GYG1: variants seen among roughly 807,000 people sequenced by gnomAD.
GYG1 encodes glycogenin-1.
GYG1 carries 44 observed loss-of-function variants against 41.9 expected under a neutral mutation model. The ratio of observed to expected loss-of-function variants is 1.05; its 90% CI spans 0.83 to 1.35. The LOEUF is 1.35. GYG1 is among the 40% of genes most tolerant of loss of function. GYG1 has a pLI of 0.00. For missense variants in GYG1, 429 were observed against 418.9 expected (o/e 1.02, Z -0.21); for synonymous variants, 141 against 158.1 (o/e 0.89, Z 0.81).
rs767365794 is a variant in GYG1 at position 149,016,356 on chromosome 3, C to CT, written c.608+6956dup. ...AAGGCAAAGTGTATGGGCACAGATG[C>CT]TTGTAGGCAGGTGTTATGTTTTGGC... On this transcript the variant is annotated intron_variant, in intron 5 of 7. Transcript: ENST00000345003. 3.3e-5 allele frequency among the ~76,000 whole-genome samples: 5 copies of CT among 150,724 alleles called. No individual in the cohort carries two copies. In the East Asian group the frequency reaches 5.8e-4, roughly 18 times the overall value.
At chr3:148,999,004 A>G (rs1712955361) in intron 4 of GYG1, among the ~76,000 whole-genome samples, 1 of 152,232 alleles carries the variant, frequency 6.6e-6, no homozygotes, top group Admixed American at 6.5e-5. Flanking sequence ...GATTTTAATC[A>G]TGTAAAGAGA....
At chr3:149,015,902 G>A (rs528576010) in intron 5 of GYG1, among the ~76,000 whole-genome samples, 5 of 152,244 alleles carry the variant, frequency 3.3e-5, no homozygotes, top group South Asian at 4.1e-4. Flanking sequence ...AGATGCTGGA[G>A]TGATGTCCTT....
chr3:149,024,129 A>G lies in GYG1; in HGVS notation c.685A>G (p.Lys229Glu), dbSNP rs749552019. 6.2e-7 allele frequency: 1 copy of G among 1,613,962 alleles called. No homozygotes were observed. The highest frequency in any genetic ancestry group is 8.5e-7 in the Non-Finnish European group (1 of 1,179,820). The change falls in exon 6 of 8, where the codon AAA becomes GAA. Residue 229 changes from lysine (K) to glutamate (E), a missense_variant. Coordinates refer to ENST00000345003, the MANE Select transcript of GYG1 (RefSeq NM_004130.4). Reference protein sequence around the residue: ...PWNYTYDPKTKSVKSEAHDPN... With the variant: ...PWNYTYDPKTESVKSEAHDPN... ...GAATTATACTTATGATCCCAAAACA[A>G]AAAGTGTCAAAAGTGAGGCCCATGA...
chr3:149,020,604 A>C (rs1305307395), intron 5 of GYG1, among the ~76,000 whole-genome samples: 1 of 152,262 alleles, frequency 6.6e-6, no homozygotes. Context: ...TTATATTCTT[A>C]TTATGAGCTC....
At chr3:149,015,523 A>G (rs1713972185) in intron 5 of GYG1, among the ~76,000 whole-genome samples, 1 of 152,204 alleles carries the variant, frequency 6.6e-6, no homozygotes, top group Non-Finnish European at 1.5e-5. Context: ...AAAATGTTTC[A>G]AGGAGGAAGG....
At chr3:148,992,821 T>C (rs1184243196) in intron 1 of GYG1, 1 of 152,292 alleles carries the variant, frequency 6.6e-6, no homozygotes, top group Non-Finnish European at 1.5e-5. Flanking sequence ...GAACTGGTCT[T>C]CCTACAACTT....
In GYG1 at chr3:149,003,184, C is replaced by T. The variant is rs183998976; in HGVS notation, c.482-6092C>T. ...AGGCTGGAGTGCAATGGTGCAATCTCGGCTCACTGCAACCTCTGCCTCCTG... is the reference window on the plus strand; with the variant it reads ...AGGCTGGAGTGCAATGGTGCAATCTTGGCTCACTGCAACCTCTGCCTCCTG... On this transcript the variant is annotated intron_variant, in intron 4 of 7. Coordinates refer to ENST00000345003, the MANE Select transcript of GYG1 (RefSeq NM_004130.4). Among the ~76,000 whole-genome samples, 1,111 of 149,366 alleles carry T rather than the reference C, an allele frequency of 7.4e-3. 3 individuals are homozygous for T. Among genetic ancestry groups the T allele is most frequent in the Middle Eastern group, 0.017 (5 of 292 alleles).
At position 148,996,489 on chromosome 3, in the gene GYG1, T is replaced by G. The variant is rs766749719; in HGVS notation, c.318+13T>G. ...TGCAGATACTCTGGTGAGTGTGGCT[T>G]TGAGGGTAGAAAAGAAAGACATATA... On this transcript the variant is annotated intron_variant, in intron 3 of 7. Coordinates refer to ENST00000345003, the MANE Select transcript of GYG1 (RefSeq NM_004130.4). The G allele has an allele frequency of 3.7e-6, 6 of 1,608,512 alleles. No homozygotes were observed. The highest frequency in any genetic ancestry group is 5.1e-6 in the Non-Finnish European group (6 of 1,175,574).
chr3:149,002,118 AC>A (rs1271177653), intron 4 of GYG1, among the ~76,000 whole-genome samples: 1 of 152,162 alleles, frequency 6.6e-6, no homozygotes, highest in African/African-American at 2.4e-5. Flanking sequence ...GGTTCCTCTC[AC>A]CTATATTTCT....
Position 148,991,791 on chromosome 3 carries a change from CGT to C in GYG1, c.7+147_7+148del, listed in dbSNP as rs1305065251. ...AAGTTGCTGGCTGGCCGCAGCCGGG[CGT>C]GTTTCTGCCTGCGTCAGCTGCCGCC... On this transcript the variant is annotated intron_variant, in intron 1 of 7. Coordinates refer to ENST00000345003, the MANE Select transcript of GYG1 (RefSeq NM_004130.4). 4 of 695,658 alleles carry C rather than the reference CGT, an allele frequency of 5.7e-6. No individual in the cohort carries two copies. The East Asian group carries it at 9.3e-5, about 16-fold the overall frequency. The allele number at this position is 695,658 out of a possible 1,614,324, so 43.1% of individuals were successfully genotyped here. A position where few individuals can be genotyped will look rare whatever the true frequency, so the allele number is the denominator to read the frequency against.
rs148619511 is a variant in GYG1, at chr3:148,996,317, A to G, written c.159A>G (p.Thr53=). 0.012 allele frequency: 18,852 copies of G among 1,610,978 alleles called. 158 individuals are homozygous for G. Among genetic ancestry groups the G allele is most frequent in the Non-Finnish European group, 0.015 (17,296 of 1,178,782 alleles). The change falls in exon 3 of 8, where the codon ACA becomes ACG. Residue 53 remains threonine (T), a synonymous_variant. Transcript: ENST00000345003. The part of the protein sequence containing the change: ...VSDSMRKVLE[T]VFDEVIMVDV... ...ATTTTGACAGAAAAGTTTTAGAGAC[A>G]GTCTTTGATGAAGTCATCATGGTAG... is the stretch of plus-strand genomic sequence containing the variant.
intron 4 of GYG1, among the ~76,000 whole-genome samples, chr3:148,998,364 G>T (rs778589631): frequency 1.3e-5 from 2 of 152,168 alleles, no homozygotes; most frequent in South Asian, 2.1e-4. Context: ...GACATTTTTG[G>T]TTGTTACAAC....
At chr3:149,009,942 T>G (rs2107903677) in intron 5 of GYG1, among the ~76,000 whole-genome samples, 1 of 152,346 alleles carries the variant, frequency 6.6e-6, no homozygotes, top group Non-Finnish European at 1.5e-5. Context: ...CTTACTGAAC[T>G]TCTTTCTGCC....
rs139872292 is a variant in GYG1, at chr3:149,026,279, A to G, written c.829-173A>G. 4.3e-4 allele frequency among the ~76,000 whole-genome samples: 66 copies of G among 152,334 alleles called. No individual in the cohort carries two copies. In the East Asian group the frequency reaches 8.1e-3, roughly 19 times the overall value. ...GTTTAACTTTCCTTCTTATAATGTG[A>G]TAACTGAGTATGTGTTGCGGCTCTC... On this transcript the variant is annotated intron_variant, in intron 6 of 7. Transcript: ENST00000345003.
chr3:149,023,714 A>G (rs1442409205), intron 5 of GYG1, among the ~76,000 whole-genome samples: 4 of 152,180 alleles, frequency 2.6e-5, no homozygotes, highest in African/African-American at 9.7e-5. Flanking sequence ...TGCAGGATGG[A>G]AAGTACACTG....
chr3:149,012,853 C>G (rs1713806665), intron 5 of GYG1, among the ~76,000 whole-genome samples: 1 of 152,026 alleles, frequency 6.6e-6, no homozygotes, highest in African/African-American at 2.4e-5. Context: ...GAGACGGAAT[C>G]TTGCTCTGTT....
intron 5 of GYG1, 65 bp downstream of exon 5, chr3:149,009,467 T>C: frequency 6.8e-6 from 10 of 1,481,304 alleles, no homozygotes; most frequent in Non-Finnish European, 9.4e-6. Flanking sequence ...TGTACAATTT[T>C]GGGGCTGCTT....
chr3:148,998,027 T>TA (rs895383082), intron 4 of GYG1, among the ~76,000 whole-genome samples: 22 of 152,312 alleles, frequency 1.4e-4, no homozygotes, highest in Non-Finnish European at 2.4e-4. Context: ...GTTAGAAAGT[T>TA]AAAAAAATAT....
chr3:148,993,967 A>G (rs891733862), intron 1 of GYG1, among the ~76,000 whole-genome samples, 175 bp from the exon 2 acceptor site: 3 of 152,166 alleles, frequency 2.0e-5, no homozygotes, highest in East Asian at 1.9e-4. Flanking sequence ...ATCTTGAACC[A>G]TTCTTGAAGT....
Sources: allele counts gnomAD v4.1 joint callset (sites outside exome capture counted in the v4.1 genomes callset), GRCh38; gene constraint gnomAD v4.1.1; transcripts MANE v1.5; gene names NCBI Gene and HGNC (gene_info 2026-07-23, HGNC 2026-07-21).